EEA1: variants seen among roughly 807,000 people sequenced by gnomAD.
The protein encoded by EEA1 is early endosome antigen 1, 162kD.
In EEA1, 111 loss-of-function variants were observed where a neutral mutation model predicts 209.2. The ratio of observed to expected loss-of-function variants is 0.53; its 90% CI spans 0.45 to 0.62. EEA1 has a LOEUF of 0.62. EEA1 is among the 20% of genes least tolerant of loss of function. EEA1 has a pLI of 0.00. For missense variants in EEA1, 1,343 were observed against 1,530.8 expected (o/e 0.88, Z 2.05); for synonymous variants, 536 against 540.6 (o/e 0.99, Z 0.12).
Position 92,842,468 on chromosome 12 carries a change from A to AT in EEA1, c.911dup (p.Asn304LysfsTer17). ...TATATAGCTTTAAAATTCTCACCTG[A>AT]TTTTTTTGTGTTAATTCATTAACTG... On this transcript the variant is annotated frameshift_variant, in exon 10 of 29. Coordinates refer to ENST00000322349, the MANE Select transcript of EEA1 (RefSeq NM_003566.4). LOFTEE classifies it high-confidence loss of function. The AT allele has an allele frequency of 6.6e-7, 1 of 1,515,014 alleles. No homozygotes were observed. Among genetic ancestry groups the AT allele is most frequent in the Non-Finnish European group, 9.1e-7 (1 of 1,096,662 alleles). The allele number at this position is 1,515,014 out of a possible 1,614,324, so 93.8% of individuals were successfully genotyped here.
intron 9 of EEA1, 50 bp downstream of exon 9, chr12:92,851,061 C>T (rs749813276): frequency 1.3e-6 from 2 of 1,575,974 alleles, no homozygotes; most frequent in Non-Finnish European, 1.7e-6. Context: ...CAATAGTATA[C>T]ACTACACAAG....
intron 2 of EEA1, among the ~76,000 whole-genome samples, chr12:92,867,337 A>C (rs1878445221): frequency 6.6e-6 from 1 of 152,188 alleles, no homozygotes; most frequent in Non-Finnish European, 1.5e-5. Context: ...AATACACAGC[A>C]TATTGGATTT....
chr12:92,807,278 A>G (rs1321887483), intron 18 of EEA1, among the ~76,000 whole-genome samples: 5 of 152,064 alleles, frequency 3.3e-5, no homozygotes, highest in Non-Finnish European at 5.9e-5. Context: ...ATAACTAGGT[A>G]TCAAAGGTAA....
intron 12 of EEA1, among the ~76,000 whole-genome samples, chr12:92,826,928 G>C (rs1054936913): frequency 1.3e-5 from 2 of 151,912 alleles, no homozygotes; most frequent in African/African-American, 4.8e-5. Flanking sequence ...CCACATATCA[G>C]TATTTCTTTT....
At chr12:92,838,602 G>A (rs1165357715) in intron 10 of EEA1, among the ~76,000 whole-genome samples, 1 of 152,094 alleles carries the variant, frequency 6.6e-6, no homozygotes, top group Non-Finnish European at 1.5e-5. Context: ...AAGAGTTGAT[G>A]GGGAAAGGGG....
rs370778981 is a variant in EEA1, at chr12:92,826,667, A to C, written c.1405-382T>G. On this transcript the variant is annotated intron_variant, in intron 12 of 28. Coordinates refer to ENST00000322349, the MANE Select transcript of EEA1 (RefSeq NM_003566.4). ...AAGGCAGAGGTCGCAGTGAGCCGAGATTGCGCCACTGCACTCCAGCCTGGG... is the reference window on the plus strand; with the variant it reads ...AAGGCAGAGGTCGCAGTGAGCCGAGCTTGCGCCACTGCACTCCAGCCTGGG... Among the ~76,000 whole-genome samples, 26 of 149,374 alleles carry C rather than the reference A, an allele frequency of 1.7e-4. No homozygotes were observed. The East Asian group carries it at 4.6e-3, about 27-fold the overall frequency.
chr12:92,891,596 T>A (rs375248819), intron 2 of EEA1, 33 bp downstream of exon 2: 1 of 1,484,658 alleles, frequency 6.7e-7, no homozygotes, highest in African/African-American at 1.4e-5. Flanking sequence ...TCCCTTAATA[T>A]TGAATTTTAT....
rs1284146117 is a variant in EEA1, at chr12:92,802,691, G to A, written c.2383C>T (p.Leu795Phe). Residue 795 changes from leucine (L) to phenylalanine (F), a missense_variant, in exon 19 of 29, where the codon CTT becomes TTT. Physicochemically the swap from Leu to Phe is conservative, Grantham distance 22. Coordinates refer to ENST00000322349, the MANE Select transcript of EEA1 (RefSeq NM_003566.4). ...RLDLQKKSEA[L>F]ESIKQKLTKQ... ...GTAAGCTTTTGCTTGATACTTTCAA[G>A]GGCTTCAGATTTTTTCTGTAGATCC... The A allele has an allele frequency of 6.3e-7, 1 of 1,599,612 alleles. No individual in the cohort carries two copies. Among genetic ancestry groups the A allele is most frequent in the African/African-American group, 1.4e-5 (1 of 73,574 alleles).
At chr12:92,831,713 G>T (rs1446882163) in intron 11 of EEA1, among the ~76,000 whole-genome samples, 1 of 148,988 alleles carries the variant, frequency 6.7e-6, no homozygotes, top group Non-Finnish European at 1.5e-5. Flanking sequence ...ACAGCATTAG[G>T]GCTGATTCAC....
At chr12:92,819,091 A>T (rs918719875) in intron 14 of EEA1, among the ~76,000 whole-genome samples, 1 of 152,194 alleles carries the variant, frequency 6.6e-6, no homozygotes, top group African/African-American at 2.4e-5. Flanking sequence ...CAGGGACATG[A>T]ACTGAGAAAT....
Position 92,801,668 on chromosome 12 carries a change from G to A in EEA1, c.2704C>T (p.Gln902Ter). 2 of 1,595,040 alleles carry A rather than the reference G, an allele frequency of 1.3e-6. No individual in the cohort carries two copies. The highest frequency in any genetic ancestry group is 1.7e-6 in the Non-Finnish European group (2 of 1,172,986). The change falls in exon 20 of 29, where the codon CAA (glutamine) becomes TAA (stop). Residue 902 changes from glutamine to a stop codon, truncating the protein, a stop_gained. Transcript: ENST00000322349. LOFTEE classifies it high-confidence loss of function. The stretch of plus-strand genomic sequence containing the variant: ...TTAAGTGTGTTTTCCATCTGCACTT[G>A]AAGTTGATGCTTTAATTCTTTGCAA... ...KTCKELKHQL[Q>*]VQMENTLKEQ...
chr12:92,782,233 T>A, intron 22 of EEA1, 98 bp from the exon 23 acceptor site: 1 of 975,280 alleles, frequency 1.0e-6, no homozygotes, highest in Non-Finnish European at 1.5e-6. Flanking sequence ...CAATAAACTA[T>A]AAAAAGATAG....
chr12:92,855,552 A>T (rs1877842564), intron 5 of EEA1, among the ~76,000 whole-genome samples: 1 of 151,326 alleles, frequency 6.6e-6, no homozygotes, highest in Non-Finnish European at 1.5e-5. Flanking sequence ...CAGATTCCAT[A>T]AGGCTTAATT....
intron 1 of EEA1, among the ~76,000 whole-genome samples, chr12:92,904,018 A>G (rs891413080): frequency 7.9e-5 from 12 of 151,384 alleles, no homozygotes; most frequent in Admixed American, 5.9e-4. Flanking sequence ...ACTGGAGTGC[A>G]ATGGTGCAAT....
At chr12:92,826,379 G>T in intron 12 of EEA1, 94 bp from the exon 13 acceptor site, 3 of 1,176,442 alleles carry the variant, frequency 2.6e-6, no homozygotes, top group Non-Finnish European at 2.4e-6. Flanking sequence ...AGTCTGAACA[G>T]AACAAAAAAT....
intron 11 of EEA1, among the ~76,000 whole-genome samples, chr12:92,831,944 G>A (rs1247232508): frequency 2.7e-5 from 4 of 150,500 alleles, no homozygotes; most frequent in East Asian, 1.9e-4. Flanking sequence ...AAAATTAGCC[G>A]GGCGCGGTGG....
At chr12:92,842,615 A>G in intron 9 of EEA1, 34 bp from the exon 10 acceptor site, 1 of 1,240,506 alleles carries the variant, frequency 8.1e-7, no homozygotes, top group Non-Finnish European at 1.1e-6. Context: ...AATTAAAGCA[A>G]ACTAAATTGT....
intron 1 of EEA1, among the ~76,000 whole-genome samples, chr12:92,922,314 G>T (rs1881040108): frequency 6.6e-6 from 1 of 152,106 alleles, no homozygotes; most frequent in Admixed American, 6.5e-5. Flanking sequence ...CTACTCACAA[G>T]TCAACAAGTT....
intron 22 of EEA1, 114 bp from the exon 23 acceptor site, chr12:92,782,249 T>C (rs367777948): frequency 1.4e-6 from 1 of 710,688 alleles, no homozygotes; most frequent in Non-Finnish European, 2.1e-6. Flanking sequence ...GATAGCATAT[T>C]ATACCCTTCA....
Sources: allele counts gnomAD v4.1 joint callset (sites outside exome capture counted in the v4.1 genomes callset), GRCh38; gene constraint gnomAD v4.1.1; transcripts MANE v1.5; gene names NCBI Gene and HGNC (gene_info 2026-07-23, HGNC 2026-07-21).